Variants in MAGI3 observed in about 807,000 individuals in gnomAD.
MAGI3 encodes the protein membrane-associated guanylate kinase, WW and PDZ domain-containing protein 3.
MAGI3 carries 43 observed loss-of-function variants against 121.8 expected under a neutral mutation model. The ratio of observed to expected loss-of-function variants is 0.35; its 90% confidence interval spans 0.28 to 0.46. MAGI3 has a LOEUF of 0.46. Among genes scored for constraint, MAGI3 ranks in the 20% least tolerant of loss-of-function variants. MAGI3 has a pLI of 1.00. For synonymous variants in MAGI3, 553 were observed against 639.3 expected (o/e 0.86, Z 2.04); for missense variants, 1,547 against 1,797.3 (o/e 0.86, Z 2.52).
intron 1 of MAGI3, among the ~76,000 whole-genome samples, chr1:113,408,936 A>G (rs924271666): frequency 1.4e-4 from 22 of 152,140 alleles, no homozygotes; most frequent in African/African-American, 4.1e-4. Flanking sequence ...ACTTTGCCAT[A>G]TATTATTATT....
intron 8 of MAGI3, among the ~76,000 whole-genome samples, chr1:113,621,105 A>T (rs1392773331): frequency 1.3e-5 from 2 of 152,206 alleles, no homozygotes; most frequent in African/African-American, 4.8e-5. Flanking sequence ...GGTCTTGAAA[A>T]GTCAGGAAAA....
At chr1:113,503,560 C>T (rs1431136018) in intron 1 of MAGI3, among the ~76,000 whole-genome samples, 4 of 151,974 alleles carry the variant, frequency 2.6e-5, no homozygotes, top group Non-Finnish European at 5.9e-5. Context: ...TATGCACATA[C>T]ATTATACAAG....
intron 9 of MAGI3, among the ~76,000 whole-genome samples, chr1:113,637,774 C>T (rs1438343672): frequency 6.6e-6 from 1 of 152,168 alleles, no homozygotes; most frequent in African/African-American, 2.4e-5. Flanking sequence ...TGAATGTTGG[C>T]CTGCCTTGCT....
chr1:113,674,819 C>T (rs1347271839), intron 19 of MAGI3, among the ~76,000 whole-genome samples: 2 of 152,102 alleles, frequency 1.3e-5, no homozygotes, highest in Non-Finnish European at 2.9e-5. Flanking sequence ...ATTATCCTCC[C>T]TCAAAATGAC....
intron 1 of MAGI3, among the ~76,000 whole-genome samples, chr1:113,516,416 A>G (rs905888811): frequency 7.5e-6 from 1 of 132,630 alleles, no homozygotes. Flanking sequence ...AAAAAAAAAG[A>G]CAAAAATCCC....
chr1:113,629,754 CTCTCT>C (rs1651487117), intron 9 of MAGI3, among the ~76,000 whole-genome samples: 20 of 109,592 alleles, frequency 1.8e-4, no homozygotes, highest in East Asian at 1.7e-3. Flanking sequence ...CTCTCTCTCT[CTCTCT>C]CTCCCTCCCT....
Position 113,640,959 on chromosome 1 carries a change from AAT to A in MAGI3, c.1361-943_1361-942del, listed in dbSNP as rs1300648112. On this transcript the variant is annotated intron_variant, in intron 9 of 20. Coordinates refer to ENST00000307546, the MANE Select transcript of MAGI3 (RefSeq NM_001142782.2). ...ATATATATAAATATATATAATATTA[AAT>A]ATATATATGATATATAATATATATA... Among the ~76,000 whole-genome samples the A allele has an allele frequency of 6.0e-4, 82 of 137,652 alleles. 3 individuals carry two copies. Among genetic ancestry groups the A allele is most frequent in the Admixed American group, 1.4e-3 (17 of 12,316 alleles). 90.3% of individuals were successfully genotyped at this position (137,652 alleles called of 152,430 possible).
At chr1:113,581,584 C>T (rs116651007) in intron 3 of MAGI3, among the ~76,000 whole-genome samples, 109 of 152,226 alleles carry the variant, frequency 7.2e-4, no homozygotes, top group African/African-American at 2.4e-3. Flanking sequence ...CTTTCACTTT[C>T]ACCACCTCAT....
intron 4 of MAGI3, 50 bp from the exon 5 acceptor site, chr1:113,590,434 G>A (rs750104486): frequency 1.3e-6 from 2 of 1,577,760 alleles, no homozygotes; most frequent in South Asian, 2.3e-5. Context: ...GTTTGAAGAA[G>A]AATATAACTT....
At chr1:113,559,097 T>C (rs6689879) in intron 2 of MAGI3, among the ~76,000 whole-genome samples, 44,820 of 152,106 alleles carry the variant, frequency 0.29, 7,383 homozygotes, top group East Asian at 0.65. Context: ...ACTACAAAAA[T>C]ACACTGTGGT....
chr1:113,605,753 C>T (rs1649725789), intron 6 of MAGI3, among the ~76,000 whole-genome samples: 1 of 152,088 alleles, frequency 6.6e-6, no homozygotes, highest in Non-Finnish European at 1.5e-5. Flanking sequence ...GCACATGCCA[C>T]CACGCCCAGC....
At chr1:113,532,360 A>G (rs554385433) in intron 1 of MAGI3, among the ~76,000 whole-genome samples, 1 of 151,414 alleles carries the variant, frequency 6.6e-6, no homozygotes, top group African/African-American at 2.4e-5. Flanking sequence ...GTCAGTATTT[A>G]TATATATATT....
At chr1:113,531,401 C>T (rs1457458082) in intron 1 of MAGI3, among the ~76,000 whole-genome samples, 3 of 151,058 alleles carry the variant, frequency 2.0e-5, no homozygotes, top group Admixed American at 6.6e-5. Flanking sequence ...GTAGAATGCA[C>T]CCCCTTGTTG....
chr1:113,678,078 C>G (rs906272753), intron 19 of MAGI3, among the ~76,000 whole-genome samples: 3 of 151,578 alleles, frequency 2.0e-5, no homozygotes, highest in Non-Finnish European at 4.4e-5. Flanking sequence ...GAAATGACAC[C>G]TGGTGGCAAG....
intron 2 of MAGI3, among the ~76,000 whole-genome samples, chr1:113,561,375 TG>T (rs1660227438): frequency 6.6e-6 from 1 of 152,230 alleles, no homozygotes; most frequent in African/African-American, 2.4e-5. Context: ...AGTAAAATAC[TG>T]GCAAACCGAA....
intron 6 of MAGI3, among the ~76,000 whole-genome samples, chr1:113,601,726 A>T (rs1233099696): frequency 6.9e-6 from 1 of 144,464 alleles, no homozygotes; most frequent in Non-Finnish European, 1.5e-5. Flanking sequence ...TACTGGGTAT[A>T]TACCCAAAGG....
intron 6 of MAGI3, among the ~76,000 whole-genome samples, chr1:113,604,172 C>T (rs1403823060): frequency 1.3e-5 from 2 of 152,160 alleles, no homozygotes; most frequent in East Asian, 3.8e-4. Flanking sequence ...ATCAAAAAGA[C>T]ACCTGCTTAT....
rs557817971 is a variant in MAGI3 at position 113,633,061 on chromosome 1, ACCC to A, written c.1361-8848_1361-8846del. Reference sequence around the variant, plus strand: ...AATGCTATCCCTCCCCCCTCCCCCCACCCCACAGCAGTCCCCAGAGTGTGATGT... The same window carrying A: ...AATGCTATCCCTCCCCCCTCCCCCCACACAGCAGTCCCCAGAGTGTGATGT... On this transcript the variant is annotated intron_variant, in intron 9 of 20. Transcript: ENST00000307546. Among the ~76,000 whole-genome samples the A allele has an allele frequency of 1.4e-3, 71 of 51,216 alleles. 1 individual carries two copies. The highest frequency in any genetic ancestry group is 0.01 in the Admixed American group (33 of 3,212). The allele number at this position is 51,216 out of a possible 152,430, so 33.6% of individuals were successfully genotyped here.
At chr1:113,404,927 T>C (rs1557737600) in intron 1 of MAGI3, among the ~76,000 whole-genome samples, 1 of 152,164 alleles carries the variant, frequency 6.6e-6, no homozygotes, top group South Asian at 2.1e-4. Flanking sequence ...AAATTACGAA[T>C]TTCTGTGTGT....
Sources: allele counts gnomAD v4.1 joint callset (sites outside exome capture counted in the v4.1 genomes callset), GRCh38; gene constraint gnomAD v4.1.1; transcripts MANE v1.5; gene names NCBI Gene and HGNC (gene_info 2026-07-23, HGNC 2026-07-21).